PKD2: variants seen among roughly 807,000 people sequenced by gnomAD.
The protein encoded by PKD2 is polycystin-2.
A neutral mutation model predicts 105.9 loss-of-function variants in PKD2; 48 were observed. That is an observed-to-expected ratio of 0.45 (90% confidence interval 0.36 to 0.58). PKD2 has a LOEUF of 0.58. Ranked by LOEUF, PKD2 falls within the 20% of genes least tolerant of loss-of-function variation. The probability of loss-of-function intolerance (pLI) is 0.00; values close to 1 mark genes in which losing one functional copy is unlikely to be tolerated. For missense variants in PKD2, 1,078 were observed against 1,255.3 expected (o/e 0.86, Z 2.13); for synonymous variants, 464 against 481.1 (o/e 0.96, Z 0.46).
At chr4:88,008,505 G>T (rs1389806806) in intron 1 of PKD2, among the ~76,000 whole-genome samples, 177 bp downstream of exon 1, 1 of 152,198 alleles carries the variant, frequency 6.6e-6, no homozygotes, top group African/African-American at 2.4e-5. Context: ...GGTACCCAGC[G>T]CGGAATTCCA....
chr4:88,074,683 A>T, intron 13 of PKD2, 129 bp from the exon 14 acceptor site: 2 of 980,210 alleles, frequency 2.0e-6, no homozygotes, highest in Non-Finnish European at 3.2e-6. Flanking sequence ...AGCTTGAGAC[A>T]ACTTAGAAAG....
At chr4:88,052,246 G>C in intron 7 of PKD2, 88 bp downstream of exon 7, 3 of 864,190 alleles carry the variant, frequency 3.5e-6, no homozygotes, top group Non-Finnish European at 3.8e-6. Context: ...ACTTGAATTT[G>C]AAATTCAAGT....
At chr4:88,017,680 G>A (rs1726606070) in intron 1 of PKD2, among the ~76,000 whole-genome samples, 1 of 152,198 alleles carries the variant, frequency 6.6e-6, no homozygotes, top group Non-Finnish European at 1.5e-5. Context: ...AAAGTGCTGG[G>A]ATTATAGGCT....
chr4:88,018,130 A>T (rs923572938), intron 1 of PKD2, among the ~76,000 whole-genome samples: 1 of 152,222 alleles, frequency 6.6e-6, no homozygotes, highest in African/African-American at 2.4e-5. Context: ...CAACTACCAG[A>T]TCTTGGCAGA....
chr4:88,036,119 A>G (rs1485431532), intron 2 of PKD2, 101 bp from the exon 3 acceptor site: 3 of 1,602,620 alleles, frequency 1.9e-6, no homozygotes, highest in Non-Finnish European at 2.6e-6. Flanking sequence ...GAATTTGTCC[A>G]AAATGTTTAT....
intron 4 of PKD2, among the ~76,000 whole-genome samples, chr4:88,040,823 C>G (rs1727533689): frequency 6.6e-6 from 1 of 152,166 alleles, no homozygotes; most frequent in Non-Finnish European, 1.5e-5. Flanking sequence ...GTTCTATATT[C>G]ATATCTCCGT....
At chr4:88,054,089 G>A (rs1169831530) in intron 7 of PKD2, among the ~76,000 whole-genome samples, 2 of 151,754 alleles carry the variant, frequency 1.3e-5, no homozygotes, top group Non-Finnish European at 2.9e-5. Context: ...AATCAAGATA[G>A]TAATAATAAT....
rs115233975 is a variant in PKD2, at chr4:88,029,734, C to T, written c.710-6486C>T. Among the ~76,000 whole-genome samples the T allele has an allele frequency of 6.0e-3, 913 of 152,326 alleles. 12 individuals are homozygous for T. The highest frequency in any genetic ancestry group is 0.021 in the African/African-American group (857 of 41,572). ...TGATAAGTGATATGAAAGGAGATGA[C>T]TGGGGAAAAGGATTTCCCTCAAGGA... On this transcript the variant is annotated intron_variant, in intron 2 of 14. Transcript: ENST00000237596.
chr4:88,037,122 T>C (rs1727362436), intron 3 of PKD2, among the ~76,000 whole-genome samples: 1 of 152,122 alleles, frequency 6.6e-6, no homozygotes, highest in Non-Finnish European at 1.5e-5. Flanking sequence ...TCCCAGCTAC[T>C]CAGGAGGCTG....
intron 4 of PKD2, among the ~76,000 whole-genome samples, chr4:88,041,881 G>T (rs1727577457): frequency 6.6e-6 from 1 of 152,178 alleles, no homozygotes; most frequent in Non-Finnish European, 1.5e-5. Flanking sequence ...TCTCAGGCCT[G>T]CTGTGTTAAC....
rs1388257564 is a variant in PKD2 at position 88,076,966 on chromosome 4, A to G, written c.*1272A>G. On this transcript the variant is annotated 3_prime_UTR_variant, in exon 15 of 15. Coordinates refer to ENST00000237596, the MANE Select transcript of PKD2 (RefSeq NM_000297.4). The stretch of plus-strand genomic sequence containing the variant: ...TTCATACATTAGACAGTATCAGCCA[A>G]AATTTGAGTTAGCAACACTGTTTTC... The G allele has an allele frequency of 6.6e-6, 1 of 152,212 alleles. No individual in the cohort carries two copies. The highest frequency in any genetic ancestry group is 1.5e-5 in the Non-Finnish European group (1 of 68,036). The allele number at this position is 152,212 out of a possible 1,614,324, so 9.4% of individuals were successfully genotyped here.
chr4:88,013,584 C>T (rs1726457369), intron 1 of PKD2, among the ~76,000 whole-genome samples: 1 of 152,020 alleles, frequency 6.6e-6, no homozygotes, highest in Admixed American at 6.5e-5. Flanking sequence ...TGCCTGTGGT[C>T]CCAGTTATTT....
chr4:88,051,507 TAAACA>T, intron 6 of PKD2, among the ~76,000 whole-genome samples: 1 of 152,188 alleles, frequency 6.6e-6, no homozygotes, highest in East Asian at 1.9e-4. Flanking sequence ...ATATTTTTGT[TAAACA>T]GAGCAAAGAA....
At position 88,055,962 on chromosome 4, in the gene PKD2, A is replaced by G. The variant is rs1720312679; in HGVS notation, c.1717-124A>G. On this transcript the variant is annotated intron_variant, in intron 7 of 14. Transcript: ENST00000237596. ...TATTTCACTTTGCATGATGTTTTCAAGGTTCATCCATGTTGTAACCTGTCA... is the reference window on the plus strand; with the variant it reads ...TATTTCACTTTGCATGATGTTTTCAGGGTTCATCCATGTTGTAACCTGTCA... 2.7e-6 allele frequency: 2 copies of G among 736,112 alleles called. 1 individual carries two copies. Among genetic ancestry groups the G allele is most frequent in the East Asian group, 5.0e-5 (2 of 39,744 alleles). The allele number at this position is 736,112 out of a possible 1,614,324, so 45.6% of individuals were successfully genotyped here.
chr4:88,010,737 C>T (rs1490350563), intron 1 of PKD2, among the ~76,000 whole-genome samples: 1 of 152,212 alleles, frequency 6.6e-6, no homozygotes, highest in Non-Finnish European at 1.5e-5. Flanking sequence ...TTCCAAGGTC[C>T]TTTCTAGCTT....
At chr4:88,008,572 A>G (rs1481620008) in intron 1 of PKD2, among the ~76,000 whole-genome samples, 1 of 151,948 alleles carries the variant, frequency 6.6e-6, no homozygotes, top group African/African-American at 2.4e-5. Context: ...ATATGTCACC[A>G]TAGTCTTTTT....
rs1224247739 is a variant in PKD2, at chr4:88,074,881, C to T, written c.2592C>T (p.Ile864=). 4 of 1,613,896 alleles carry T rather than the reference C, an allele frequency of 2.5e-6. No individual in the cohort carries two copies. The highest frequency in any genetic ancestry group is 3.3e-5 in the Admixed American group (2 of 59,992). The change falls in exon 14 of 15, where the codon ATC becomes ATT. Residue 864 remains isoleucine, a synonymous_variant. Transcript: ENST00000237596. ...GSIVSKIDAV[I]VKLEIMERAK... ...TAGTGTCCAAGATTGACGCCGTGAT[C>T]GTGAAGCTAGAGATTATGGAGCGAG...
intron 2 of PKD2, among the ~76,000 whole-genome samples, chr4:88,022,548 G>C (rs1208859159): frequency 6.6e-6 from 1 of 152,158 alleles, no homozygotes; most frequent in Non-Finnish European, 1.5e-5. Context: ...AGAATAACCA[G>C]GCAAGATTTA....
rs754167988 is a variant in PKD2 at position 88,061,935 on chromosome 4, T to A, written c.2049T>A (p.Thr683=). The stretch of plus-strand genomic sequence containing the variant: ...TGTTTTTGGCTATCATCAATGATAC[T>A]TACTCTGAAGTGAAATCTGACTTGG... ...LNMFLAIIND[T]YSEVKSDLAQ... Residue 683 remains threonine (T), a synonymous_variant, in exon 10 of 15, where the codon ACT becomes ACA. Coordinates refer to ENST00000237596, the MANE Select transcript of PKD2 (RefSeq NM_000297.4). 6.4e-7 allele frequency: 1 copy of A among 1,574,358 alleles called. No individual in the cohort carries two copies.
Sources: allele counts gnomAD v4.1 joint callset (sites outside exome capture counted in the v4.1 genomes callset), GRCh38; gene constraint gnomAD v4.1.1; transcripts MANE v1.5; gene names NCBI Gene and HGNC (gene_info 2026-07-23, HGNC 2026-07-21).